The following RREB1 variants were observed in gnomAD, a reference collection of about 807,000 sequenced individuals.
RREB1 encodes the protein ras responsive element binding protein 1.
Under a neutral mutation model 117.8 loss-of-function variants are expected in RREB1, and 27 were observed. The observed-to-expected ratio is 0.23, with a 90% CI of 0.17 to 0.32. The LOEUF (loss-of-function observed/expected upper bound fraction) is 0.32, where lower values mean the gene tolerates loss of function less well. Among genes scored for constraint, RREB1 ranks in the 10% least tolerant of loss-of-function variants. The pLI is 1.00. For synonymous variants in RREB1, 1,298 were observed against 1,026.7 expected (o/e 1.26, Z -5.05); for missense variants, 2,577 against 2,378.2 (o/e 1.08, Z -1.74).
rs78795618 is a variant in RREB1 at position 7,177,014 on chromosome 6, C to T, written c.-166+241C>T. Among the ~76,000 whole-genome samples, 764 of 151,892 alleles carry T rather than the reference C, an allele frequency of 5.0e-3. 7 individuals are homozygous for T. The highest frequency in any genetic ancestry group is 0.017 in the African/African-American group (722 of 41,398). The stretch of plus-strand genomic sequence containing the variant: ...GACAGATCACTTGAGGCCAGGCATT[C>T]AAGACCAGCCTGGCCAACATGGTGA... On this transcript the variant is annotated intron_variant, in intron 2 of 12. Coordinates refer to ENST00000379938, the MANE Select transcript of RREB1 (RefSeq NM_001003699.4).
intron 11 of RREB1, among the ~76,000 whole-genome samples, chr6:7,243,862 T>C (rs1163110847): frequency 6.6e-6 from 1 of 152,022 alleles, no homozygotes; most frequent in African/African-American, 2.4e-5. Context: ...AAATATGTTC[T>C]GTGCAGTTAA....
rs956153595 is a variant in RREB1 at position 7,229,478 on chromosome 6, C to G, written c.1379C>G (p.Ser460Cys). ...PDSSIVVKPI[S>C]GESAIELADI... ...AGCAGCATTGTGGTCAAGCCCATCT[C>G]TGGCGAGTCGGCCATCGAGCTGGCA... Residue 460 changes from serine to cysteine, a missense_variant, in exon 10 of 13, where the codon TCT (serine) becomes TGT (cysteine). By Grantham distance (112) the Ser-to-Cys change is moderately radical. Transcript: ENST00000379938. The surrounding 1 kb of genome is among the most constrained non-coding windows in gnomAD (Gnocchi z 4.5). 11 of 1,614,192 alleles carry G rather than the reference C, an allele frequency of 6.8e-6. No homozygotes were observed. The highest frequency in any genetic ancestry group is 9.3e-6 in the Non-Finnish European group (11 of 1,180,036).
chr6:7,206,388 A>G (rs1240245223), intron 6 of RREB1, among the ~76,000 whole-genome samples: 2 of 152,270 alleles, frequency 1.3e-5, no homozygotes, highest in African/African-American at 4.8e-5. Flanking sequence ...TGTATGTCAT[A>G]GTAATACTCT....
intron 1 of RREB1, among the ~76,000 whole-genome samples, chr6:7,127,067 G>A (rs1761972532): frequency 6.6e-6 from 1 of 152,180 alleles, no homozygotes; most frequent in East Asian, 1.9e-4. Context: ...AAAATATGAG[G>A]CTTAGTTGAG....
At chr6:7,211,961 C>G in intron 8 of RREB1, 1 of 487,378 alleles carries the variant, frequency 2.1e-6, no homozygotes, top group South Asian at 2.6e-5. Context: ...TGAGTAGTCA[C>G]CAGTGAGCCC....
intron 4 of RREB1, among the ~76,000 whole-genome samples, chr6:7,182,661 T>C (rs1764870576): frequency 6.6e-6 from 1 of 152,198 alleles, no homozygotes; most frequent in Non-Finnish European, 1.5e-5. Flanking sequence ...GGGAAATAAA[T>C]GAATCTTCAA....
In RREB1 at chr6:7,229,191, G is replaced by T; in HGVS notation, c.1092G>T (p.Leu364=). Residue 364 remains leucine (L), a synonymous_variant, in exon 10 of 13, where the codon CTG becomes CTT. Coordinates refer to ENST00000379938, the MANE Select transcript of RREB1 (RefSeq NM_001003699.4). The surrounding 1 kb of genome is among the most constrained non-coding windows in gnomAD (Gnocchi z 4.5). The part of the protein sequence containing the change: ...PGDALDQKGF[L]ALLGLQHTKD... ...ACGCCCTGGACCAGAAGGGCTTCCT[G>T]GCCTTGCTTGGCCTGCAGCACACCA... is the stretch of plus-strand genomic sequence containing the variant. 6.2e-7 allele frequency: 1 copy of T among 1,610,626 alleles called. No homozygotes were observed. The highest frequency in any genetic ancestry group is 8.5e-7 in the Non-Finnish European group (1 of 1,177,440).
intron 6 of RREB1, among the ~76,000 whole-genome samples, chr6:7,197,871 C>T (rs916943848): frequency 8.5e-5 from 13 of 152,136 alleles, no homozygotes; most frequent in South Asian, 2.1e-4. Flanking sequence ...ATATTAGCTG[C>T]GCAGAAATGT....
chr6:7,162,679 A>C (rs1445887343), intron 1 of RREB1, among the ~76,000 whole-genome samples: 4 of 151,966 alleles, frequency 2.6e-5, no homozygotes, highest in Non-Finnish European at 5.9e-5. Flanking sequence ...GTATACAAAC[A>C]GTATAGAATA....
intron 6 of RREB1, among the ~76,000 whole-genome samples, chr6:7,201,163 TC>T (rs1561777544): frequency 6.6e-6 from 1 of 152,122 alleles, no homozygotes; most frequent in East Asian, 1.9e-4. Context: ...AGGTGTCCTC[TC>T]CCACCATGCC....
chr6:7,145,642 A>G (rs555560841), intron 1 of RREB1, among the ~76,000 whole-genome samples: 4 of 152,096 alleles, frequency 2.6e-5, no homozygotes, highest in South Asian at 2.1e-4. Flanking sequence ...TAGAGGACCT[A>G]ACCTCGATTA....
At chr6:7,213,226 G>T (rs1029985825) in intron 8 of RREB1, 1 of 152,136 alleles carries the variant, frequency 6.6e-6, no homozygotes. Context: ...GTACACTGGC[G>T]CAATCTTGGC....
At chr6:7,206,275 C>T (rs1046335606) in intron 6 of RREB1, among the ~76,000 whole-genome samples, 5 of 152,122 alleles carry the variant, frequency 3.3e-5, no homozygotes, top group African/African-American at 4.8e-5. Context: ...GGAGTGTTTT[C>T]GATTGAAGTC....
At chr6:7,171,988 C>G (rs55734389) in intron 1 of RREB1, among the ~76,000 whole-genome samples, 23,151 of 151,204 alleles carry the variant, frequency 0.15, 1,927 homozygotes, top group East Asian at 0.28. Flanking sequence ...CCCTGTTGAC[C>G]AGGCTTGAGT....
chr6:7,173,458 A>G (rs1434164294), intron 1 of RREB1, among the ~76,000 whole-genome samples: 1 of 150,948 alleles, frequency 6.6e-6, no homozygotes, highest in African/African-American at 2.4e-5. Context: ...GCGTCACTGC[A>G]CTCCAGCCTG....
At chr6:7,172,631 A>G (rs965003810) in intron 1 of RREB1, among the ~76,000 whole-genome samples, 3 of 151,010 alleles carry the variant, frequency 2.0e-5, no homozygotes, top group Admixed American at 6.6e-5. Flanking sequence ...CCCATGGTGT[A>G]GGGGCCTGCT....
chr6:7,139,652 A>G (rs190632242), intron 1 of RREB1, among the ~76,000 whole-genome samples: 1 of 152,358 alleles, frequency 6.6e-6, no homozygotes, highest in East Asian at 1.9e-4. Context: ...AAAAAGTATG[A>G]GAATATGAAA....
intron 1 of RREB1, among the ~76,000 whole-genome samples, chr6:7,124,623 T>C (rs568852408): frequency 6.6e-6 from 1 of 152,322 alleles, no homozygotes; most frequent in African/African-American, 2.4e-5. Context: ...TTGTTATAAT[T>C]TAGTTTTCAC....
Position 7,229,941 on chromosome 6 carries a change from C to G in RREB1, c.1842C>G (p.Ile614Met), listed in dbSNP as rs146678576. 1,278 of 1,600,814 alleles carry G rather than the reference C, an allele frequency of 8.0e-4. 1 individual carries two copies. The highest frequency in any genetic ancestry group is 8.1e-4 in the Non-Finnish European group (948 of 1,170,656). ...ALLPLSMEAK[I>M]KQEITEGELK... Reference sequence around the variant, plus strand: ...TGCCGCTGAGCATGGAGGCCAAGATCAAGCAGGAGATCACAGAGGGGGAAC... The same window carrying G: ...TGCCGCTGAGCATGGAGGCCAAGATGAAGCAGGAGATCACAGAGGGGGAAC... Residue 614 changes from isoleucine (I) to methionine (M), a missense_variant, in exon 10 of 13, where the codon ATC (isoleucine) becomes ATG (methionine). Ile to Met is a conservative substitution (Grantham distance 10). Transcript: ENST00000379938. The surrounding 1 kb of genome is among the most constrained non-coding windows in gnomAD (Gnocchi z 4.5).
Sources: gnomAD v4.1 joint callset for allele counts (sites outside exome capture counted in the v4.1 genomes callset) on GRCh38, gnomAD v4.1.1 for gene constraint, Gnocchi (gnomAD v3.1) non-coding constraint, MANE v1.5 for transcripts, NCBI Gene and HGNC (gene_info 2026-07-23, HGNC 2026-07-21) for gene names.